Variants in AK9 observed in about 807,000 individuals in gnomAD.
The protein encoded by AK9 is adenylate kinase domain containing 1.
In AK9, 191 loss-of-function variants were observed where a neutral mutation model predicts 239.6. That is an observed-to-expected ratio of 0.80 (90% CI 0.71 to 0.90). The LOEUF (loss-of-function observed/expected upper bound fraction) is 0.90, where lower values mean the gene tolerates loss of function less well. AK9 is among the 40% of genes least tolerant of loss of function. The probability of loss-of-function intolerance (pLI) is 0.00; values close to 1 mark genes in which losing one functional copy is unlikely to be tolerated. For missense variants in AK9, 1,995 were observed against 2,214.7 expected (o/e 0.90, Z 1.99); for synonymous variants, 689 against 721.0 (o/e 0.96, Z 0.71).
At chr6:109,629,608 G>C (rs1052664630) in intron 12 of AK9, among the ~76,000 whole-genome samples, 2 of 151,720 alleles carry the variant, frequency 1.3e-5, no homozygotes, top group Admixed American at 6.6e-5. Context: ...TTCTTTTGGA[G>C]ATGTAAATAT....
At chr6:109,591,570 C>T (rs1790250903) in intron 17 of AK9, among the ~76,000 whole-genome samples, 1 of 152,008 alleles carries the variant, frequency 6.6e-6, no homozygotes, top group African/African-American at 2.4e-5. Flanking sequence ...TAATTATTAC[C>T]TACTTGCTTT....
rs1383051514 is a variant in AK9, at chr6:109,539,254, T to A, written c.3350+2793A>T. ...TTCAGGTACACCAATCAGACGTAGA[T>A]TTGGTCTTTTCACATAGTCCCATAT... is the stretch of plus-strand genomic sequence containing the variant. On this transcript the variant is annotated intron_variant, in intron 27 of 40. Transcript: ENST00000424296. Among the ~76,000 whole-genome samples, 12 of 152,328 alleles carry A rather than the reference T, an allele frequency of 7.9e-5. No individual in the cohort carries two copies. The East Asian group carries it at 2.3e-3, about 29-fold the overall frequency.
chr6:109,605,113 GT>G (rs750001524), intron 17 of AK9, among the ~76,000 whole-genome samples: 23 of 152,088 alleles, frequency 1.5e-4, no homozygotes, highest in Non-Finnish European at 2.9e-4. Context: ...TCAAGGCATT[GT>G]ATAAAGCTAA....
intron 30 of AK9, among the ~76,000 whole-genome samples, 163 bp from the exon 31 acceptor site, chr6:109,516,238 C>A (rs185606261): frequency 3.3e-5 from 5 of 152,256 alleles, no homozygotes; most frequent in Admixed American, 2.0e-4. Flanking sequence ...CTTACTCTGA[C>A]CCTCTGTGGC....
chr6:109,599,845 T>C (rs1204630009), intron 17 of AK9, among the ~76,000 whole-genome samples: 1 of 152,204 alleles, frequency 6.6e-6, no homozygotes, highest in African/African-American at 2.4e-5. Context: ...CAATTGTGAA[T>C]GGGAGTTCAC....
intron 32 of AK9, among the ~76,000 whole-genome samples, chr6:109,513,984 C>G (rs1171086676): frequency 2.0e-5 from 3 of 152,200 alleles, no homozygotes; most frequent in Non-Finnish European, 4.4e-5. Context: ...CTGCATTCTT[C>G]AGCCAATCAA....
In AK9 at chr6:109,614,245, T is replaced by C; in HGVS notation, c.1547A>G (p.Glu516Gly). The C allele has an allele frequency of 6.4e-7, 1 of 1,551,442 alleles. No individual in the cohort carries two copies. The highest frequency in any genetic ancestry group is 2.4e-5 in the East Asian group (1 of 40,906). ...ATTTTCTGACTTTGTTTTGGCTTCT[T>C]CGGTGTCCACTAAAGAGCTGCCTCT... ...RDRGSSLVDT[E>G]EAKTKSENVL... Residue 516 changes from glutamate to glycine, a missense_variant, in exon 15 of 41, where the codon GAA (glutamate) becomes GGA (glycine). Transcript: ENST00000424296.
intron 9 of AK9, chr6:109,644,359 T>C (rs565538240): frequency 7.7e-5 from 26 of 335,488 alleles, no homozygotes; most frequent in African/African-American, 5.6e-4. Flanking sequence ...TCTTCTCATG[T>C]GCTTTTGGTT....
At chr6:109,612,382 G>A (rs972349371) in intron 15 of AK9, among the ~76,000 whole-genome samples, 19 of 152,264 alleles carry the variant, frequency 1.2e-4, no homozygotes, top group African/African-American at 4.6e-4. Context: ...GACTCCTAGA[G>A]GTCAATGATG....
chr6:109,505,366 T>C (rs951256455), intron 35 of AK9, among the ~76,000 whole-genome samples: 7 of 152,244 alleles, frequency 4.6e-5, no homozygotes, highest in Non-Finnish European at 1.0e-4. Context: ...GTCATCACTC[T>C]TTTTAGAGAT....
intron 24 of AK9, among the ~76,000 whole-genome samples, chr6:109,553,569 T>G (rs1784611666): frequency 6.6e-6 from 1 of 152,248 alleles, no homozygotes; most frequent in African/African-American, 2.4e-5. Context: ...GAGACTTTGC[T>G]GAAGTTGCTT....
chr6:109,525,606 G>A (rs1388288755), intron 29 of AK9, among the ~76,000 whole-genome samples: 1 of 152,160 alleles, frequency 6.6e-6, no homozygotes, highest in Non-Finnish European at 1.5e-5. Flanking sequence ...AAAACACAGT[G>A]GTGTCTTATC....
In AK9 at chr6:109,672,032, A is replaced by T; in HGVS notation, c.235-17T>A. 1 of 1,613,000 alleles carries T rather than the reference A, an allele frequency of 6.2e-7. No individual in the cohort carries two copies. The highest frequency in any genetic ancestry group is 8.5e-7 in the Non-Finnish European group (1 of 1,179,088). On this transcript the variant is annotated splice_polypyrimidine_tract_variant and intron_variant, in intron 4 of 40. Coordinates refer to ENST00000424296, the MANE Select transcript of AK9 (RefSeq NM_001145128.3). ...TGATTGCAACTAAGGACAAGCATAG[A>T]TATTGTACATTACTGTATAATATAT... is the stretch of plus-strand genomic sequence containing the variant.
At chr6:109,633,351 A>G (rs775258688) in intron 10 of AK9, 28 bp from the exon 11 acceptor site, 3 of 1,578,204 alleles carry the variant, frequency 1.9e-6, no homozygotes, top group Admixed American at 3.9e-5. Flanking sequence ...TACATTAAAA[A>G]TATGGGCATA....
chr6:109,667,537 T>TCCTTTCCCTCC (rs1801386772), intron 5 of AK9, among the ~76,000 whole-genome samples: 1 of 152,052 alleles, frequency 6.6e-6, no homozygotes, highest in Non-Finnish European at 1.5e-5. Flanking sequence ...TATCTCCTAA[T>TCCTTTCCCTCC]CCTTTCCCTC....
intron 18 of AK9, among the ~76,000 whole-genome samples, chr6:109,585,590 AAGAACT>A (rs1562450676): frequency 6.6e-6 from 1 of 152,212 alleles, no homozygotes; most frequent in East Asian, 1.9e-4. Context: ...TGAGGTGAAG[AAGAACT>A]AACATTTAGT....
intron 17 of AK9, among the ~76,000 whole-genome samples, chr6:109,600,353 T>C (rs1036799101): frequency 1.2e-4 from 18 of 152,254 alleles, no homozygotes; most frequent in African/African-American, 3.9e-4. Flanking sequence ...TTTTTGTCTT[T>C]GGTTCTGTTT....
Position 109,674,186 on chromosome 6 carries a change from G to C in AK9, c.181+12C>G. 2.6e-6 allele frequency: 4 copies of C among 1,561,790 alleles called. No homozygotes were observed. The highest frequency in any genetic ancestry group is 3.5e-6 in the Non-Finnish European group (4 of 1,157,118). On this transcript the variant is annotated intron_variant, in intron 3 of 40. Transcript: ENST00000424296. Reference sequence around the variant, plus strand: ...TCATAATAAAATATTAGAGAAAAAAGATAAAATTTACCTTCAACACGAATA... The same window carrying C: ...TCATAATAAAATATTAGAGAAAAAACATAAAATTTACCTTCAACACGAATA...
chr6:109,669,496 G>A (rs1181318013), intron 5 of AK9, among the ~76,000 whole-genome samples: 5 of 152,074 alleles, frequency 3.3e-5, no homozygotes, highest in Admixed American at 3.3e-4. Context: ...TCCAGTTTTT[G>A]CCCATTCAGT....
Sources: gnomAD v4.1 joint callset for allele counts (sites outside exome capture counted in the v4.1 genomes callset) on GRCh38, gnomAD v4.1.1 for gene constraint, MANE v1.5 for transcripts, NCBI Gene and HGNC (gene_info 2026-07-23, HGNC 2026-07-21) for gene names.